The following NEK1 variants were observed in gnomAD, a reference collection of about 807,000 sequenced individuals.
NEK1 encodes NIMA related kinase 1.
A neutral mutation model predicts 182.1 loss-of-function variants in NEK1; 137 were observed. The ratio of observed to expected loss-of-function variants is 0.75; its 90% CI spans 0.65 to 0.87. The LOEUF is 0.87. NEK1 is among the 40% of genes least tolerant of loss of function. The probability of loss-of-function intolerance (pLI) is 0.00; values close to 1 mark genes in which losing one functional copy is unlikely to be tolerated. For missense variants in NEK1, 1,391 were observed against 1,494.4 expected (o/e 0.93, Z 1.14); for synonymous variants, 513 against 492.2 (o/e 1.04, Z -0.56).
chr4:169,444,542 G>A (rs532433463), intron 27 of NEK1, among the ~76,000 whole-genome samples: 1 of 151,954 alleles, frequency 6.6e-6, no homozygotes, highest in Non-Finnish European at 1.5e-5. Context: ...AATGATGAAG[G>A]GAAAAATTAA....
At chr4:169,586,222 A>G (rs932635557) in intron 9 of NEK1, among the ~76,000 whole-genome samples, 1 of 152,048 alleles carries the variant, frequency 6.6e-6, no homozygotes, top group Non-Finnish European at 1.5e-5. Flanking sequence ...TATCTCCACT[A>G]AAATATTACA....
chr4:169,434,343 GCTGGAA>G (rs1738005885), intron 28 of NEK1, among the ~76,000 whole-genome samples: 1 of 151,664 alleles, frequency 6.6e-6, no homozygotes, highest in South Asian at 2.1e-4. Flanking sequence ...CTCCTGAGTA[GCTGGAA>G]CTATAGGCAC....
At chr4:169,423,346 G>A (rs937553151) in intron 31 of NEK1, among the ~76,000 whole-genome samples, 1 of 152,174 alleles carries the variant, frequency 6.6e-6, no homozygotes, top group Admixed American at 6.5e-5. Flanking sequence ...CAAATGATCC[G>A]CCCACCCCAG....
At chr4:169,456,819 C>T (rs1406798176) in intron 27 of NEK1, among the ~76,000 whole-genome samples, 2 of 152,054 alleles carry the variant, frequency 1.3e-5, no homozygotes, top group East Asian at 3.8e-4. Flanking sequence ...AAATGTCCAT[C>T]AACAGTTGAA....
chr4:169,476,168 CA>C (rs1306642388), intron 26 of NEK1, among the ~76,000 whole-genome samples: 1 of 152,018 alleles, frequency 6.6e-6, no homozygotes, highest in Non-Finnish European at 1.5e-5. Context: ...GTGATAAAGA[CA>C]AATCATAAAA....
At chr4:169,584,928 A>G (rs1306209936) in intron 10 of NEK1, among the ~76,000 whole-genome samples, 1 of 152,020 alleles carries the variant, frequency 6.6e-6, no homozygotes, top group South Asian at 2.1e-4. Flanking sequence ...GTTCACACCT[A>G]TAATCCCAGC....
chr4:169,466,601 T>C (rs116410824), intron 26 of NEK1, among the ~76,000 whole-genome samples: 1,820 of 152,000 alleles, frequency 0.012, 32 homozygotes, highest in African/African-American at 0.041. Context: ...AAAATAAAAA[T>C]AAAAACTTTT....
intron 26 of NEK1, among the ~76,000 whole-genome samples, chr4:169,473,644 G>A (rs1197480305): frequency 6.6e-6 from 1 of 152,108 alleles, no homozygotes; most frequent in African/African-American, 2.4e-5. Flanking sequence ...CAGCACTTTG[G>A]GGAGCCAAAG....
At chr4:169,403,385 T>C (rs1330472101) in intron 32 of NEK1, among the ~76,000 whole-genome samples, 3 of 151,818 alleles carry the variant, frequency 2.0e-5, no homozygotes, top group East Asian at 1.9e-4. Flanking sequence ...CTGGGCAACA[T>C]AGCGAGACCC....
chr4:169,579,648 G>A (rs1290128043), intron 11 of NEK1, among the ~76,000 whole-genome samples: 6 of 152,068 alleles, frequency 3.9e-5, no homozygotes, highest in Admixed American at 1.3e-4. Context: ...AATTAGCTGG[G>A]CGTGGTGGTG....
chr4:169,400,992 A>G (rs1731580982), intron 33 of NEK1, among the ~76,000 whole-genome samples: 1 of 152,148 alleles, frequency 6.6e-6, no homozygotes, highest in African/African-American at 2.4e-5. Context: ...TAGTATTTTC[A>G]AAAGTTGGTA....
At chr4:169,495,662 C>T (rs1158050180) in intron 23 of NEK1, among the ~76,000 whole-genome samples, 3 of 152,162 alleles carry the variant, frequency 2.0e-5, no homozygotes, top group Non-Finnish European at 2.9e-5. Flanking sequence ...AATAGGGAAT[C>T]CTTTCCTCAT....
At chr4:169,577,947 A>G (rs1257006456) in intron 11 of NEK1, among the ~76,000 whole-genome samples, 1 of 152,072 alleles carries the variant, frequency 6.6e-6, no homozygotes, top group African/African-American at 2.4e-5. Flanking sequence ...TCTTAAAACA[A>G]TCATTATCAT....
intron 27 of NEK1, among the ~76,000 whole-genome samples, chr4:169,438,664 A>C (rs1241422879): frequency 6.6e-6 from 1 of 152,224 alleles, no homozygotes; most frequent in African/African-American, 2.4e-5. Context: ...AAGAATAAAA[A>C]GAAAAAAAAA....
chr4:169,534,343 C>A (rs777089193), intron 19 of NEK1, among the ~76,000 whole-genome samples: 38 of 152,162 alleles, frequency 2.5e-4, no homozygotes, highest in Non-Finnish European at 4.7e-4. Context: ...GGTTTCCTGG[C>A]TGCAGCACAG....
intron 18 of NEK1, among the ~76,000 whole-genome samples, chr4:169,549,219 T>G (rs1445747110): frequency 6.6e-6 from 1 of 152,152 alleles, no homozygotes; most frequent in Admixed American, 6.5e-5. Context: ...GAGGGAGTTC[T>G]CCAAACCCTG....
intron 16 of NEK1, 148 bp from the exon 17 acceptor site, chr4:169,556,243 G>T: frequency 2.9e-6 from 2 of 681,450 alleles, no homozygotes; most frequent in Non-Finnish European, 4.5e-6. Context: ...AAAGCCTAAA[G>T]CAAAATGTTT....
chr4:169,548,439 A>T (rs956493763), intron 18 of NEK1, among the ~76,000 whole-genome samples: 1 of 136,304 alleles, frequency 7.3e-6, no homozygotes, highest in African/African-American at 3.8e-5. Context: ...CAGGATACAC[A>T]GGGGTCAGGG....
intron 23 of NEK1, among the ~76,000 whole-genome samples, chr4:169,497,290 T>C (rs1471690053): frequency 6.6e-6 from 1 of 152,222 alleles, no homozygotes; most frequent in Non-Finnish European, 1.5e-5. Context: ...TTGATTCTTC[T>C]CTCTTTTCTT....
Sources: gnomAD v4.1 joint callset for allele counts (sites outside exome capture counted in the v4.1 genomes callset) on GRCh38, gnomAD v4.1.1 for gene constraint, MANE v1.5 for transcripts, NCBI Gene and HGNC (gene_info 2026-07-23, HGNC 2026-07-21) for gene names.